Variants in ROBO2 observed in about 807,000 individuals in gnomAD.
The protein encoded by ROBO2 is roundabout guidance receptor 2.
A neutral mutation model predicts 160.8 loss-of-function variants in ROBO2; 53 were observed. The observed-to-expected ratio is 0.33, with a 90% CI of 0.26 to 0.41. ROBO2 has a LOEUF of 0.41. Ranked by LOEUF, ROBO2 falls within the 10% of genes least tolerant of loss-of-function variation. The probability of loss-of-function intolerance (pLI) is 1.00; values close to 1 mark genes in which losing one functional copy is unlikely to be tolerated. For synonymous variants in ROBO2, 664 were observed against 611.7 expected (o/e 1.09, Z -1.26); for missense variants, 1,577 against 1,722.4 (o/e 0.92, Z 1.49).
At chr3:76,905,535 A>G (rs2075543532) in intron 2 of ROBO2, among the ~76,000 whole-genome samples, 1 of 152,188 alleles carries the variant, frequency 6.6e-6, no homozygotes, top group Admixed American at 6.6e-5. Context: ...AGAAGAGTCA[A>G]TACCAAGCTA....
chr3:76,958,630 G>A (rs2079445748), intron 2 of ROBO2, among the ~76,000 whole-genome samples: 1 of 152,124 alleles, frequency 6.6e-6, no homozygotes, highest in Non-Finnish European at 1.5e-5. Flanking sequence ...ACCTTACCAG[G>A]AGGCAATTGC....
chr3:77,298,341 T>C (rs2062340438), intron 2 of ROBO2, among the ~76,000 whole-genome samples: 1 of 152,134 alleles, frequency 6.6e-6, no homozygotes, highest in Non-Finnish European at 1.5e-5. Flanking sequence ...AGATTATGCC[T>C]TTCACCTCCA....
rs139846209 is a variant in ROBO2 at position 76,521,125 on chromosome 3, C to T, written c.110-576889C>T. The stretch of plus-strand genomic sequence containing the variant: ...GTGCAGCGGTGTGCTCTCAACTCAC[C>T]GCAACCTTTGCCTTTCGGGTTCAAG... On this transcript the variant is annotated intron_variant, in intron 2 of 26. Transcript: ENST00000487694. Among the ~76,000 whole-genome samples the T allele has an allele frequency of 3.5e-3, 521 of 149,904 alleles. 7 individuals are homozygous for T. The highest frequency in any genetic ancestry group is 0.012 in the African/African-American group (500 of 40,388).
intron 19 of ROBO2, among the ~76,000 whole-genome samples, chr3:77,597,328 A>G (rs896110423): frequency 7.6e-6 from 1 of 131,468 alleles, no homozygotes; most frequent in Non-Finnish European, 1.7e-5. Flanking sequence ...AATAAATAAA[A>G]AAGACAAAAA....
intron 2 of ROBO2, among the ~76,000 whole-genome samples, chr3:76,702,038 C>T (rs1043062203): frequency 1.3e-5 from 2 of 151,912 alleles, no homozygotes; most frequent in South Asian, 2.1e-4. Flanking sequence ...ACATGTTGCT[C>T]CCTAAAATTT....
chr3:76,905,891 C>G (rs927970002), intron 2 of ROBO2, among the ~76,000 whole-genome samples: 2 of 152,108 alleles, frequency 1.3e-5, no homozygotes, highest in African/African-American at 2.4e-5. Flanking sequence ...TCATGTTTCC[C>G]AAGTTTAGTT....
At chr3:76,879,675 C>A (rs2073145612) in intron 2 of ROBO2, among the ~76,000 whole-genome samples, 1 of 151,884 alleles carries the variant, frequency 6.6e-6, no homozygotes, top group Non-Finnish European at 1.5e-5. Flanking sequence ...TAGGTTGTAT[C>A]CAGAGTCATT....
chr3:76,830,410 TC>T (rs1328266736), intron 2 of ROBO2, among the ~76,000 whole-genome samples: 1 of 152,166 alleles, frequency 6.6e-6, no homozygotes, highest in East Asian at 1.9e-4. Flanking sequence ...TTTTTCTCTT[TC>T]TTTTTCAGTA....
chr3:77,213,808 C>A (rs1335486697), intron 2 of ROBO2, among the ~76,000 whole-genome samples: 1 of 152,092 alleles, frequency 6.6e-6, no homozygotes, highest in Non-Finnish European at 1.5e-5. Context: ...CAAAGAACAT[C>A]TTTATTTCTG....
chr3:77,346,330 T>C (rs2067626851), intron 2 of ROBO2, among the ~76,000 whole-genome samples: 1 of 152,216 alleles, frequency 6.6e-6, no homozygotes, highest in Non-Finnish European at 1.5e-5. Flanking sequence ...AATACAGCTA[T>C]GATTATTCCT....
chr3:75,994,853 A>G (rs2065679975), intron 2 of ROBO2, among the ~76,000 whole-genome samples: 1 of 152,190 alleles, frequency 6.6e-6, no homozygotes, highest in African/African-American at 2.4e-5. Flanking sequence ...CAAAATGTTG[A>G]TAGCAATATG....
chr3:77,040,138 C>T (rs2063947357), exon 1 of ROBO2: 3 of 980,366 alleles, frequency 3.1e-6, no homozygotes, highest in Non-Finnish European at 3.6e-6. Flanking sequence ...GTCCTGATTT[C>T]CCTTCTCCTC....
At chr3:77,396,486 A>G (rs770386319) in intron 2 of ROBO2, among the ~76,000 whole-genome samples, 10 of 152,130 alleles carry the variant, frequency 6.6e-5, no homozygotes, top group Non-Finnish European at 1.3e-4. Flanking sequence ...GTACTCTTGT[A>G]GTTACTGTGA....
At chr3:76,693,128 C>T (rs1224248676) in intron 2 of ROBO2, among the ~76,000 whole-genome samples, 1 of 147,136 alleles carries the variant, frequency 6.8e-6, no homozygotes, top group Admixed American at 6.8e-5. Context: ...TGTGTATATA[C>T]ATATATATGT....
At chr3:75,926,851 G>A (rs554218812) in intron 1 of ROBO2, among the ~76,000 whole-genome samples, 8 of 152,202 alleles carry the variant, frequency 5.3e-5, no homozygotes, top group African/African-American at 1.9e-4. Flanking sequence ...GTGAAGCTCA[G>A]TCGAACTTGG....
At chr3:76,066,366 C>T (rs982934881) in intron 2 of ROBO2, among the ~76,000 whole-genome samples, 4 of 151,878 alleles carry the variant, frequency 2.6e-5, no homozygotes, top group African/African-American at 4.8e-5. Context: ...AATGAATACT[C>T]AAAATTATTT....
chr3:76,297,907 A>G (rs1194983298), intron 2 of ROBO2, among the ~76,000 whole-genome samples: 2 of 152,182 alleles, frequency 1.3e-5, no homozygotes. Flanking sequence ...AAACAAGAGC[A>G]GGTACAAGGG....
intron 2 of ROBO2, among the ~76,000 whole-genome samples, chr3:77,304,425 T>A (rs573476469): frequency 1.3e-5 from 2 of 152,142 alleles, no homozygotes; most frequent in Non-Finnish European, 2.9e-5. Flanking sequence ...AATATGTCTC[T>A]TGGGGCCCAG....
chr3:77,229,587 G>A (rs141494033), intron 2 of ROBO2, among the ~76,000 whole-genome samples: 5,724 of 151,940 alleles, frequency 0.038, 369 homozygotes, highest in African/African-American at 0.13. Flanking sequence ...CTTGAACCCA[G>A]GAGGTAGAGG....
Sources: gnomAD v4.1 joint callset for allele counts (sites outside exome capture counted in the v4.1 genomes callset) on GRCh38, gnomAD v4.1.1 for gene constraint, MANE v1.5 for transcripts, NCBI Gene and HGNC (gene_info 2026-07-23, HGNC 2026-07-21) for gene names.